Variants in IL7 observed in about 807,000 individuals in gnomAD.
IL7 encodes the protein interleukin-7.
Under a neutral mutation model 21.6 loss-of-function variants are expected in IL7, and 3 were observed. The ratio of observed to expected loss-of-function variants is 0.14; its 90% confidence interval spans 0.06 to 0.36. The LOEUF is 0.36. Ranked by LOEUF, IL7 falls within the 10% of genes least tolerant of loss-of-function variation. The pLI is 1.00. For missense variants in IL7, 175 were observed against 200.2 expected (o/e 0.87, Z 0.76); for synonymous variants, 62 against 68.1 (o/e 0.91, Z 0.44).
chr8:78,757,554 A>G (rs1812389867), intron 2 of IL7, among the ~76,000 whole-genome samples: 4 of 151,946 alleles, frequency 2.6e-5, no homozygotes, highest in Admixed American at 6.6e-5. Context: ...TTTGCTTTAT[A>G]TATCTTAGTG....
At chr8:78,680,793 G>T (rs181684134) in intron 4 of IL7, among the ~76,000 whole-genome samples, 1 of 152,298 alleles carries the variant, frequency 6.6e-6, no homozygotes, top group Admixed American at 6.5e-5. Context: ...AAGTTGAGGG[G>T]TTTCCTCATC....
intron 5 of IL7, among the ~76,000 whole-genome samples, chr8:78,720,448 A>G (rs143557641): frequency 0.018 from 2,771 of 151,926 alleles, 46 homozygotes; most frequent in Non-Finnish European, 0.024. Context: ...ATGTTACTCA[A>G]TGCTCCTCAT....
intron 3 of IL7, among the ~76,000 whole-genome samples, chr8:78,721,993 G>A (rs1811250640): frequency 6.6e-6 from 1 of 151,744 alleles, no homozygotes; most frequent in Non-Finnish European, 1.5e-5. Flanking sequence ...TTCAAATAAC[G>A]TTTGTATATA....
At chr8:78,781,290 T>C (rs1349534995) in intron 2 of IL7, among the ~76,000 whole-genome samples, 1 of 152,206 alleles carries the variant, frequency 6.6e-6, no homozygotes, top group African/African-American at 2.4e-5. Flanking sequence ...ACAGACTTGT[T>C]GATGTAGTTG....
At chr8:78,720,005 A>G (rs1811207781) in intron 5 of IL7, among the ~76,000 whole-genome samples, 1 of 151,862 alleles carries the variant, frequency 6.6e-6, no homozygotes, top group Non-Finnish European at 1.5e-5. Flanking sequence ...CATTATCTTC[A>G]TAGACTATTT....
chr8:78,725,736 A>G (rs767210405), intron 3 of IL7, among the ~76,000 whole-genome samples: 1 of 152,052 alleles, frequency 6.6e-6, no homozygotes, highest in African/African-American at 2.4e-5. Context: ...TTTAAGAAGT[A>G]TGCTTTGAGT....
In IL7 at chr8:78,733,766, G is replaced by T. The variant is rs754119026; in HGVS notation, c.481C>A (p.Gln161Lys). The change falls in exon 6 of 6, where the codon CAA becomes AAA. Residue 161 changes from glutamine (Q) to lysine (K), a missense_variant. Physicochemically the swap from Gln to Lys is moderately conservative, Grantham distance 53. Transcript: ENST00000263851. ...TTATTCCAACAAGTTTTTATCTCTT[G>T]TAATAGTCTCTTTAGGAAACACAAG... ...NDLCFLKRLL[Q>K]EIKTCWNKIL... 16 of 1,599,152 alleles carry T rather than the reference G, an allele frequency of 1.0e-5. No individual in the cohort carries two copies. The African/African-American group carries it at 1.6e-4, about 16-fold the overall frequency.
intron 3 of IL7, chr8:78,697,258 T>G: frequency 1.6e-6 from 1 of 609,338 alleles, no homozygotes; most frequent in Non-Finnish European, 2.8e-6. Flanking sequence ...ATTAATGATG[T>G]GCAACCATCA....
intron 3 of IL7, chr8:78,698,508 T>C (rs1485148804): frequency 2.5e-6 from 4 of 1,605,588 alleles, no homozygotes; most frequent in African/African-American, 2.7e-5. Context: ...CAGCCCCTCA[T>C]GCAGGGTAAG....
intron 3 of IL7, among the ~76,000 whole-genome samples, 175 bp from the exon 4 acceptor site, chr8:78,738,810 G>T (rs1217360582): frequency 6.6e-6 from 1 of 152,128 alleles, no homozygotes; most frequent in Non-Finnish European, 1.5e-5. Flanking sequence ...AAACTGTTTG[G>T]CTCCTAGGTG....
intron 3 of IL7, chr8:78,686,328 A>C: frequency 1.4e-6 from 1 of 729,662 alleles, no homozygotes; most frequent in Non-Finnish European, 1.9e-6. Context: ...TTAAAATTAT[A>C]AATTTGAGAA....
At chr8:78,703,875 T>C (rs1319079178) in intron 3 of IL7, among the ~76,000 whole-genome samples, 3 of 152,206 alleles carry the variant, frequency 2.0e-5, no homozygotes, top group Non-Finnish European at 4.4e-5. Flanking sequence ...AGTTTTACAG[T>C]ATTACTGGTC....
At chr8:78,724,256 A>T (rs1046020689) in intron 3 of IL7, 3 of 152,006 alleles carry the variant, frequency 2.0e-5, no homozygotes, top group Non-Finnish European at 4.4e-5. Flanking sequence ...GCAAAGGTTT[A>T]CTCCATAGAG....
At chr8:78,804,713 C>T (rs1332252392) in intron 1 of IL7, among the ~76,000 whole-genome samples, 200 bp downstream of exon 1, 1 of 152,188 alleles carries the variant, frequency 6.6e-6, no homozygotes, top group East Asian at 1.9e-4. Context: ...CAGCAGCCGC[C>T]CCAGGTTCAA....
chr8:78,680,331 T>C, intron 4 of IL7, among the ~76,000 whole-genome samples: 1 of 146,180 alleles, frequency 6.8e-6, no homozygotes, highest in East Asian at 2.0e-4. Flanking sequence ...GTAAAAACCA[T>C]TGCTTTGTAT....
chr8:78,790,130 G>A (rs1563437055), intron 2 of IL7, among the ~76,000 whole-genome samples: 1 of 152,122 alleles, frequency 6.6e-6, no homozygotes, highest in African/African-American at 2.4e-5. Context: ...TAACCGATTA[G>A]TCATTAGATT....
At chr8:78,732,405 G>T (rs1292679109), downstream of IL7, among the ~76,000 whole-genome samples, 1 of 152,078 alleles carries the variant, frequency 6.6e-6, no homozygotes, top group Non-Finnish European at 1.5e-5. Context: ...CACTGAGGGT[G>T]TCACCAGAGC....
intron 2 of IL7, among the ~76,000 whole-genome samples, chr8:78,745,620 G>C (rs1172061375): frequency 6.6e-6 from 1 of 152,050 alleles, no homozygotes; most frequent in Non-Finnish European, 1.5e-5. Flanking sequence ...TATTTTGCTA[G>C]TACCAGTGCA....
intron 6 of IL7, chr8:78,718,481 G>A (rs1406249223): frequency 6.6e-6 from 1 of 151,872 alleles, no homozygotes; most frequent in Non-Finnish European, 1.5e-5. Context: ...TGCAGAGCAT[G>A]CAGATAAAAA....
Sources: allele counts gnomAD v4.1 joint callset (sites outside exome capture counted in the v4.1 genomes callset), GRCh38; gene constraint gnomAD v4.1.1; transcripts MANE v1.5; gene names NCBI Gene and HGNC (gene_info 2026-07-23, HGNC 2026-07-21).